Variants in FGD4 observed in about 807,000 individuals in gnomAD.
FGD4 encodes FYVE, RhoGEF and PH domain containing 4.
In FGD4, 42 loss-of-function variants were observed where a neutral mutation model predicts 102.0. That is an observed-to-expected ratio of 0.41 (90% CI 0.32 to 0.53). The LOEUF is 0.53. FGD4 is among the 20% of genes least tolerant of loss of function. The pLI is 0.21. For synonymous variants in FGD4, 380 were observed against 375.7 expected (o/e 1.01, Z -0.13); for missense variants, 902 against 1,078.2 (o/e 0.84, Z 2.29).
chr12:32,548,943 A>G (rs10844237), intron 1 of FGD4, among the ~76,000 whole-genome samples: 54,612 of 152,110 alleles, frequency 0.36, 10,747 homozygotes, highest in African/African-American at 0.53. Context: ...CAGTAATGGC[A>G]ATGTGAAGGT....
chr12:32,473,826 G>A (rs1284379798), intron 1 of FGD4, among the ~76,000 whole-genome samples: 1 of 151,954 alleles, frequency 6.6e-6, no homozygotes, highest in Non-Finnish European at 1.5e-5. Context: ...GGTGGCTCAT[G>A]CCTGTAATCC....
At chr12:32,484,984 G>A (rs919934003) in intron 1 of FGD4, among the ~76,000 whole-genome samples, 1 of 152,144 alleles carries the variant, frequency 6.6e-6, no homozygotes, top group African/African-American at 2.4e-5. Context: ...ACTATGTAAC[G>A]TCAACCTTCT....
chr12:32,599,051 A>G (rs1337897914), intron 5 of FGD4, among the ~76,000 whole-genome samples: 1 of 152,244 alleles, frequency 6.6e-6, no homozygotes, highest in East Asian at 1.9e-4. Flanking sequence ...TCGACCTTGT[A>G]TGAAACATTT....
intron 2 of FGD4, chr12:32,574,942 C>T (rs1200748074): frequency 6.6e-6 from 1 of 152,114 alleles, no homozygotes; most frequent in Admixed American, 6.5e-5. Context: ...AAAAATACTA[C>T]ATGTTATATA....
chr12:32,587,426 A>C (rs1947139295), intron 4 of FGD4, among the ~76,000 whole-genome samples: 1 of 151,868 alleles, frequency 6.6e-6, no homozygotes, highest in African/African-American at 2.4e-5. Context: ...TCTGTTGCCC[A>C]GGCTGCCAGG....
chr12:32,490,979 G>A (rs574061261), intron 1 of FGD4, among the ~76,000 whole-genome samples: 1 of 152,106 alleles, frequency 6.6e-6, no homozygotes, highest in East Asian at 1.9e-4. Flanking sequence ...TGTGCGCTAG[G>A]CTGTCTTTTC....
chr12:32,407,288 GCTAATTTTTGTAC>G (rs1277111162), intron 1 of FGD4, among the ~76,000 whole-genome samples: 2 of 151,508 alleles, frequency 1.3e-5, no homozygotes, highest in East Asian at 3.9e-4. Context: ...ACTATGCCCA[GCTAATTTTTGTAC>G]TTTTAGTAGA....
At chr12:32,404,870 A>G (rs1940856368) in intron 1 of FGD4, among the ~76,000 whole-genome samples, 1 of 152,204 alleles carries the variant, frequency 6.6e-6, no homozygotes, top group African/African-American at 2.4e-5. Flanking sequence ...ATGGGCTCTG[A>G]AATTGGAACC....
intron 1 of FGD4, among the ~76,000 whole-genome samples, chr12:32,472,651 G>A (rs1352819867): frequency 3.9e-5 from 6 of 152,212 alleles, no homozygotes; most frequent in Non-Finnish European, 5.9e-5. Context: ...CAGTCCCATC[G>A]ATCACCCAAG....
intron 1 of FGD4, among the ~76,000 whole-genome samples, chr12:32,525,374 T>C (rs1308938779): frequency 6.6e-6 from 1 of 152,194 alleles, no homozygotes; most frequent in East Asian, 1.9e-4. Flanking sequence ...TTTTGGAATG[T>C]TTTAAAAGTA....
intron 1 of FGD4, among the ~76,000 whole-genome samples, chr12:32,469,666 G>GTTT (rs550710652): frequency 0.039 from 5,576 of 141,174 alleles, 157 homozygotes; most frequent in South Asian, 0.12. Context: ...TTTCTTCTTT[G>GTTT]TTTTTTTTTT....
intron 1 of FGD4, among the ~76,000 whole-genome samples, chr12:32,533,991 G>A (rs1942024753): frequency 6.6e-6 from 1 of 152,222 alleles, no homozygotes; most frequent in South Asian, 2.1e-4. Flanking sequence ...TTAAGCTTGT[G>A]AATCATGAAT....
At chr12:32,439,276 T>C (rs1350114938) in intron 1 of FGD4, among the ~76,000 whole-genome samples, 2 of 152,230 alleles carry the variant, frequency 1.3e-5, no homozygotes, top group African/African-American at 4.8e-5. Context: ...TCATCCATCT[T>C]GTTACAAATG....
At chr12:32,558,064 T>G (rs1345973129) in intron 1 of FGD4, among the ~76,000 whole-genome samples, 1 of 152,196 alleles carries the variant, frequency 6.6e-6, no homozygotes, top group East Asian at 1.9e-4. Context: ...CTCTGTGATA[T>G]TCTTACCCCA....
chr12:32,479,489 G>T (rs866049836), intron 1 of FGD4, among the ~76,000 whole-genome samples: 16 of 151,396 alleles, frequency 1.1e-4, no homozygotes, highest in African/African-American at 3.4e-4. Flanking sequence ...CTATTGTAAA[G>T]AATGTATTCT....
chr12:32,577,188 T>C (rs1393657270), intron 3 of FGD4, among the ~76,000 whole-genome samples: 3 of 152,192 alleles, frequency 2.0e-5, no homozygotes, highest in South Asian at 2.1e-4. Context: ...TTTTTCTTAG[T>C]CTTTTGATAA....
Position 32,500,896 on chromosome 12 carries a change from C to T in FGD4, c.167-63241C>T, listed in dbSNP as rs1279600488. On this transcript the variant is annotated intron_variant, in intron 1 of 16. Coordinates refer to ENST00000534526, the MANE Select transcript of FGD4 (RefSeq NM_001370298.3). The stretch of plus-strand genomic sequence containing the variant: ...AGATTTACTAAATTCACACTATGTT[C>T]AAGGACCTTGGCTTGCTGTTGACAC... 2.6e-5 allele frequency among the ~76,000 whole-genome samples: 4 copies of T among 152,220 alleles called. No individual in the cohort carries two copies. In the East Asian group the frequency reaches 7.7e-4, roughly 29 times the overall value.
chr12:32,581,446 A>C (rs1946607677), intron 3 of FGD4, among the ~76,000 whole-genome samples: 1 of 152,212 alleles, frequency 6.6e-6, no homozygotes. Context: ...ATGAATAAAA[A>C]AGTTTTGAGA....
intron 1 of FGD4, among the ~76,000 whole-genome samples, chr12:32,408,614 T>C (rs539339257): frequency 1.3e-5 from 2 of 152,292 alleles, no homozygotes; most frequent in East Asian, 3.9e-4. Flanking sequence ...CCAGTGACTT[T>C]AACTTACTGT....
Sources: gnomAD v4.1 joint callset for allele counts (sites outside exome capture counted in the v4.1 genomes callset) on GRCh38, gnomAD v4.1.1 for gene constraint, MANE v1.5 for transcripts, NCBI Gene and HGNC (gene_info 2026-07-23, HGNC 2026-07-21) for gene names.